EPB41L5: variants seen among roughly 807,000 people sequenced by gnomAD.
EPB41L5 encodes erythrocyte membrane protein band 4.1 like 5, also known as band 4.1-like protein 5.
Under a neutral mutation model 106.6 loss-of-function variants are expected in EPB41L5, and 55 were observed. That is an observed-to-expected ratio of 0.52 (90% CI 0.42 to 0.65). The LOEUF (loss-of-function observed/expected upper bound fraction) is 0.65, where lower values mean the gene tolerates loss of function less well. Ranked by LOEUF, EPB41L5 falls within the 30% of genes least tolerant of loss-of-function variation. The pLI is 0.00. For synonymous variants in EPB41L5, 297 were observed against 306.7 expected (o/e 0.97, Z 0.33); for missense variants, 871 against 882.1 (o/e 0.99, Z 0.16).
chr2:120,053,531 G>A (rs192426962), intron 3 of EPB41L5, among the ~76,000 whole-genome samples: 2 of 152,184 alleles, frequency 1.3e-5, no homozygotes, highest in African/African-American at 2.4e-5. Context: ...TCTGGCAAAC[G>A]CTGTCTATGG....
chr2:120,085,073 T>A (rs1314564646), intron 10 of EPB41L5, among the ~76,000 whole-genome samples: 1 of 152,148 alleles, frequency 6.6e-6, no homozygotes, highest in Non-Finnish European at 1.5e-5. Context: ...GGGTTCGAAC[T>A]TCCTCCTTTA....
Position 120,146,262 on chromosome 2 carries a change from C to T in EPB41L5, c.1766C>T (p.Ala589Val), listed in dbSNP as rs1201914905. ...KEDSLLSHKN[A>V]NVQDAATNSA... ...GATAGCTTATTAAGTCATAAAAATG[C>T]CAATGTTCAGGATGCTGCCACAAAC... The change falls in exon 20 of 25, where the codon GCC becomes GTC. Residue 589 changes from alanine to valine, a missense_variant. Physicochemically the swap from Ala to Val is moderately conservative, Grantham distance 64. Transcript: ENST00000263713. The T allele has an allele frequency of 6.2e-7, 1 of 1,609,036 alleles. No individual in the cohort carries two copies. The highest frequency in any genetic ancestry group is 2.2e-5 in the East Asian group (1 of 44,744).
In EPB41L5 at chr2:120,178,604, C is replaced by T. The variant is rs946624293; in HGVS notation, c.*3697C>T. 1.3e-5 allele frequency: 2 copies of T among 152,238 alleles called. No individual in the cohort carries two copies. The highest frequency in any genetic ancestry group is 2.9e-5 in the Non-Finnish European group (2 of 68,050). 9.4% of individuals were successfully genotyped at this position (152,238 alleles called of 1,614,324 possible). A position where few individuals can be genotyped will look rare whatever the true frequency, so the allele number is the denominator to read the frequency against. The stretch of plus-strand genomic sequence containing the variant: ...CCTCTCAAAAATTTAAACACTGTAC[C>T]TCTTCAGTGGTCAGAAGAAAGTTGG... On this transcript the variant is annotated 3_prime_UTR_variant, in exon 25 of 25. Coordinates refer to ENST00000263713, the MANE Select transcript of EPB41L5 (RefSeq NM_020909.4).
At chr2:120,104,427 G>A (rs1036988182) in intron 16 of EPB41L5, 1 of 1,356,068 alleles carries the variant, frequency 7.4e-7, no homozygotes, top group African/African-American at 1.5e-5. Flanking sequence ...AAGCCATATA[G>A]CATCAATGAT....
At chr2:120,131,136 A>G (rs896530368) in intron 17 of EPB41L5, among the ~76,000 whole-genome samples, 1 of 152,232 alleles carries the variant, frequency 6.6e-6, no homozygotes, top group Admixed American at 6.5e-5. Flanking sequence ...GTACCAATAT[A>G]TAATATGTTG....
chr2:120,085,767 A>T (rs894130828), intron 10 of EPB41L5, among the ~76,000 whole-genome samples: 1 of 152,144 alleles, frequency 6.6e-6, no homozygotes, highest in Non-Finnish European at 1.5e-5. Context: ...TTGGGTGTTA[A>T]ATCCCCTCAT....
chr2:120,093,404 G>A (rs1399767902), intron 14 of EPB41L5, 128 bp downstream of exon 14: 3 of 776,078 alleles, frequency 3.9e-6, no homozygotes, highest in Non-Finnish European at 2.2e-6. Context: ...ATATGTCAGG[G>A]AATAAATGAA....
intron 11 of EPB41L5, among the ~76,000 whole-genome samples, chr2:120,088,416 G>T (rs1356697359): frequency 6.6e-6 from 1 of 152,134 alleles, no homozygotes; most frequent in Non-Finnish European, 1.5e-5. Flanking sequence ...GGCAACAGCG[G>T]ACACTGGGAT....
chr2:120,138,284 GA>G (rs2105483968), intron 18 of EPB41L5, among the ~76,000 whole-genome samples: 1 of 152,036 alleles, frequency 6.6e-6, no homozygotes, highest in East Asian at 1.9e-4. Context: ...TTAAGATCTG[GA>G]AAAAGGCAAG....
At chr2:120,080,635 G>T (rs1210461963) in intron 10 of EPB41L5, among the ~76,000 whole-genome samples, 1 of 152,182 alleles carries the variant, frequency 6.6e-6, no homozygotes, top group Non-Finnish European at 1.5e-5. Flanking sequence ...TAATGGGATG[G>T]CTGGGTCAGA....
At chr2:120,163,981 T>C (rs1176448905) in intron 21 of EPB41L5, among the ~76,000 whole-genome samples, 1 of 37,800 alleles carries the variant, frequency 2.6e-5, no homozygotes, top group African/African-American at 7.3e-5. Context: ...TTGTATTTAC[T>C]TTTTTTTTTT....
At chr2:120,065,515 C>CTT (rs11373500) in intron 3 of EPB41L5, among the ~76,000 whole-genome samples, 6,747 of 139,874 alleles carry the variant, frequency 0.048, 285 homozygotes, top group Admixed American at 0.098. Flanking sequence ...TTAGATTGTT[C>CTT]TTTTTTTTTT....
intron 1 of EPB41L5, 22 bp from the exon 2 acceptor site, chr2:120,019,055 C>T (rs1430067043): frequency 2.5e-6 from 4 of 1,569,280 alleles, no homozygotes; most frequent in African/African-American, 1.4e-5. Context: ...CTGATGCCAT[C>T]TTTTTCTCTC....
At chr2:120,174,791 C>T in intron 24 of EPB41L5, 50 bp from the exon 25 acceptor site, 1 of 1,542,814 alleles carries the variant, frequency 6.5e-7, no homozygotes, top group South Asian at 1.1e-5. Flanking sequence ...TGAATGTCCT[C>T]CTCCAAACCC....
intron 3 of EPB41L5, among the ~76,000 whole-genome samples, chr2:120,058,647 C>T (rs1051660650): frequency 3.9e-5 from 6 of 152,204 alleles, no homozygotes; most frequent in Non-Finnish European, 8.8e-5. Flanking sequence ...GCAACTACCA[C>T]CTAGCTCCAG....
At chr2:120,087,060 T>G (rs974180443) in intron 10 of EPB41L5, 111 bp from the exon 11 acceptor site, 6 of 616,672 alleles carry the variant, frequency 9.7e-6, no homozygotes, top group Non-Finnish European at 1.7e-5. Context: ...GTCCTGTCAA[T>G]TTTTAGTTCA....
chr2:120,055,024 G>A (rs554476291), intron 3 of EPB41L5, among the ~76,000 whole-genome samples: 15 of 151,752 alleles, frequency 9.9e-5, no homozygotes, highest in South Asian at 4.2e-4. Context: ...GCACCACCAT[G>A]CCCAGCTAAT....
intron 18 of EPB41L5, 52 bp downstream of exon 18, chr2:120,131,767 A>G: frequency 7.6e-7 from 1 of 1,322,620 alleles, no homozygotes; most frequent in Non-Finnish European, 1.1e-6. Context: ...GAGCTCCCAG[A>G]AATATTTTCT....
rs1216065708 is a variant in EPB41L5, at chr2:120,075,748, T to C, written c.500T>C (p.Leu167Pro). 1 of 1,612,626 alleles carries C rather than the reference T, an allele frequency of 6.2e-7. No individual in the cohort carries two copies. Among genetic ancestry groups the C allele is most frequent in the Non-Finnish European group, 8.5e-7 (1 of 1,178,888 alleles). The change falls in exon 7 of 25, where the codon CTG becomes CCG. Residue 167 changes from leucine (L) to proline (P), a missense_variant. Leu to Pro is a moderately conservative substitution (Grantham distance 98, BLOSUM62 -3). Coordinates refer to ENST00000263713, the MANE Select transcript of EPB41L5 (RefSeq NM_020909.4). ...GCAGTGCAATTGGCAGCTTATAATC[T>C]GCAAGGTAAGCAATTCTTATGTTGA... Reference protein sequence around the residue: ...DTAVQLAAYNLQAELGDYDLA... With the variant: ...DTAVQLAAYNPQAELGDYDLA...
Sources: allele counts gnomAD v4.1 joint callset (sites outside exome capture counted in the v4.1 genomes callset), GRCh38; gene constraint gnomAD v4.1.1; transcripts MANE v1.5; gene names NCBI Gene and HGNC (gene_info 2026-07-23, HGNC 2026-07-21).